The following PRDM5 variants were observed in gnomAD, a reference collection of about 807,000 sequenced individuals.
PRDM5 encodes the protein PR domain zinc finger protein 5.
A neutral mutation model predicts 81.2 loss-of-function variants in PRDM5; 56 were observed. That is an observed-to-expected ratio of 0.69 (90% confidence interval 0.56 to 0.86). PRDM5 has a LOEUF of 0.86. PRDM5 is among the 40% of genes least tolerant of loss of function. The pLI, the probability that PRDM5 is intolerant of heterozygous loss-of-function variation, is 0.00. For missense variants in PRDM5, 697 were observed against 770.1 expected (o/e 0.91, Z 1.12); for synonymous variants, 267 against 256.4 (o/e 1.04, Z -0.39).
chr4:120,746,449 A>C (rs1227424919), intron 14 of PRDM5, among the ~76,000 whole-genome samples: 251 of 144,666 alleles, frequency 1.7e-3, no homozygotes, highest in Admixed American at 4.1e-3. Flanking sequence ...TAATTAAACT[A>C]AAGAGCTTCT....
chr4:120,912,937 G>A (rs1766685414), intron 1 of PRDM5, among the ~76,000 whole-genome samples: 1 of 152,218 alleles, frequency 6.6e-6, no homozygotes, highest in South Asian at 2.1e-4. Context: ...GTGCATGGAT[G>A]TGCCTTTGCA....
rs1242070890 is a variant in PRDM5, at chr4:120,746,619, C to T, written c.1623+7934G>A. On this transcript the variant is annotated intron_variant, in intron 14 of 15. Transcript: ENST00000264808. ...ACAAACAACCCCATCAAAAAGTGGG[C>T]GAAGGACATGAACAGACACTTCTCA... 3.3e-3 allele frequency among the ~76,000 whole-genome samples: 462 copies of T among 140,368 alleles called. 8 individuals carry two copies. Among genetic ancestry groups the T allele is most frequent in the Admixed American group, 0.015 (207 of 13,574 alleles). The allele number at this position is 140,368 out of a possible 152,430, so 92.1% of individuals were successfully genotyped here.
chr4:120,720,768 A>C (rs534276871), intron 14 of PRDM5, among the ~76,000 whole-genome samples: 1 of 152,354 alleles, frequency 6.6e-6, no homozygotes. Flanking sequence ...TGGCCTAGTA[A>C]ACAATGCATC....
chr4:120,690,988 T>C (rs1377404342), downstream of PRDM5, among the ~76,000 whole-genome samples: 1 of 152,150 alleles, frequency 6.6e-6, no homozygotes, highest in Non-Finnish European at 1.5e-5. Context: ...GCTAAAAGTT[T>C]GCATTATTAG....
intron 14 of PRDM5, among the ~76,000 whole-genome samples, chr4:120,748,140 G>A (rs1377175321): frequency 6.6e-6 from 1 of 152,120 alleles, no homozygotes; most frequent in African/African-American, 2.4e-5. Context: ...GACTAAAATG[G>A]GTTTGAGGCA....
At chr4:120,724,740 C>A (rs541885954) in intron 14 of PRDM5, among the ~76,000 whole-genome samples, 5 of 152,134 alleles carry the variant, frequency 3.3e-5, no homozygotes, top group Non-Finnish European at 7.3e-5. Flanking sequence ...TATCCCATTA[C>A]ACAATTTTGA....
At position 120,710,220 on chromosome 4, in the gene PRDM5, G is replaced by GAT. The variant is rs71597093; in HGVS notation, c.1728+88_1728+89insAT. ...TCCAGCAATGCAACACACACACACA[G>GAT]ACACACACACACACACACATACACA... is the stretch of plus-strand genomic sequence containing the variant. On this transcript the variant is annotated intron_variant, in intron 15 of 15. Transcript: ENST00000264808. The GAT allele has an allele frequency of 0.23, 226,954 of 978,172 alleles. 15,166 individuals carry two copies. Among genetic ancestry groups the GAT allele is most frequent in the Non-Finnish European group, 0.27 (170,625 of 642,828 alleles). The allele number at this position is 978,172 out of a possible 1,614,324, so 60.6% of individuals were successfully genotyped here.
chr4:120,815,744 A>G (rs1487272373), intron 7 of PRDM5, among the ~76,000 whole-genome samples: 2 of 152,174 alleles, frequency 1.3e-5, no homozygotes, highest in Non-Finnish European at 2.9e-5. Context: ...ATAAATCTCA[A>G]CCTCCTTTAA....
chr4:120,777,262 T>C lies in PRDM5; in HGVS notation c.1463A>G (p.Glu488Gly), dbSNP rs767248981. The C allele has an allele frequency of 1.9e-6, 3 of 1,613,320 alleles. No homozygotes were observed. The highest frequency in any genetic ancestry group is 2.5e-6 in the Non-Finnish European group (3 of 1,179,526). Residue 488 changes from glutamate to glycine, a missense_variant, in exon 13 of 16, where the codon GAG becomes GGG. Glu to Gly is a moderately conservative substitution (Grantham distance 98). Around this residue, in one of 3 missense-constraint regions of PRDM5, gnomAD observed 577 missense variants for 606.7 expected, o/e 0.95. Transcript: ENST00000264808. The part of the protein sequence containing the change: ...SHKKTHTGEK[E>G]KICPYCGQKF... ...CTGGCCACAATATGGACAGATTTTC[T>C]CCTTTTCTCCTGTATGTGTCTAAAA...
At chr4:120,922,424 C>T (rs2148731474) in intron 1 of PRDM5, 92 bp downstream of exon 1, 1 of 1,204,258 alleles carries the variant, frequency 8.3e-7, no homozygotes. Context: ...GGGGTGAAGC[C>T]CGCCGCGCCC....
At chr4:120,776,384 T>A (rs907492635) in intron 13 of PRDM5, among the ~76,000 whole-genome samples, 2 of 152,178 alleles carry the variant, frequency 1.3e-5, no homozygotes, top group South Asian at 4.1e-4. Context: ...GTTATTGTGC[T>A]AGACATTGAG....
intron 2 of PRDM5, among the ~76,000 whole-genome samples, chr4:120,883,665 G>A (rs528461124): frequency 6.6e-6 from 1 of 151,928 alleles, no homozygotes; most frequent in East Asian, 1.9e-4. Flanking sequence ...ACACCAAGAT[G>A]GCACGTGTAT....
intron 14 of PRDM5, among the ~76,000 whole-genome samples, chr4:120,730,595 A>G (rs995225844): frequency 6.6e-6 from 1 of 152,210 alleles, no homozygotes; most frequent in African/African-American, 2.4e-5. Context: ...GAAATACTGT[A>G]TTACTTTTCT....
At chr4:120,857,573 G>T (rs781102195) in intron 2 of PRDM5, among the ~76,000 whole-genome samples, 1 of 152,114 alleles carries the variant, frequency 6.6e-6, no homozygotes, top group Non-Finnish European at 1.5e-5. Flanking sequence ...GCTGGTCATT[G>T]CTACCATGTA....
intron 8 of PRDM5, among the ~76,000 whole-genome samples, chr4:120,800,345 G>A (rs1296804321): frequency 2.0e-5 from 3 of 152,112 alleles, no homozygotes; most frequent in Non-Finnish European, 4.4e-5. Context: ...GTGAGACCTC[G>A]TCCCTACAAA....
intron 15 of PRDM5, among the ~76,000 whole-genome samples, chr4:120,699,165 T>TAAATATAA (rs1426312649): frequency 3.7e-5 from 1 of 26,908 alleles, no homozygotes; most frequent in Non-Finnish European, 7.9e-5. Context: ...AATATAAATA[T>TAAATATAA]ATATATATAT....
intron 3 of PRDM5, among the ~76,000 whole-genome samples, chr4:120,840,552 C>A (rs1757905649): frequency 6.6e-6 from 1 of 152,108 alleles, no homozygotes; most frequent in African/African-American, 2.4e-5. Context: ...CAATTCCCAC[C>A]TCAGGCCCCA....
chr4:120,708,714 T>C (rs960480392), intron 15 of PRDM5, among the ~76,000 whole-genome samples: 2 of 152,134 alleles, frequency 1.3e-5, no homozygotes, highest in African/African-American at 4.8e-5. Context: ...GGAGACTGCA[T>C]GTAGATGAAA....
chr4:120,845,205 TTAA>T (rs1758522328), intron 3 of PRDM5, among the ~76,000 whole-genome samples: 1 of 152,192 alleles, frequency 6.6e-6, no homozygotes, highest in South Asian at 2.1e-4. Context: ...ATCTAAGATA[TTAA>T]TAATTAAGAA....
Sources: allele counts gnomAD v4.1 joint callset (sites outside exome capture counted in the v4.1 genomes callset), GRCh38; gene constraint gnomAD v4.1.1; regional missense constraint gnomAD v4.1.1; transcripts MANE v1.5; gene names NCBI Gene and HGNC (gene_info 2026-07-23, HGNC 2026-07-21).